The following SRD5A2 variants were observed in gnomAD, a reference collection of about 807,000 sequenced individuals.
The protein encoded by SRD5A2 is steroid 5 alpha-reductase 2.
In SRD5A2, 30 loss-of-function variants were observed where a neutral mutation model predicts 27.4. The ratio of observed to expected loss-of-function variants is 1.10; its 90% CI spans 0.82 to 1.49. The LOEUF (loss-of-function observed/expected upper bound fraction) is 1.49, where lower values mean the gene tolerates loss of function less well. Among genes scored for constraint, SRD5A2 ranks in the 40% most tolerant of loss-of-function variants. The pLI is 0.00. For missense variants in SRD5A2, 348 were observed against 323.4 expected (o/e 1.08, Z -0.58); for synonymous variants, 141 against 133.6 (o/e 1.06, Z -0.38).
intron 1 of SRD5A2, among the ~76,000 whole-genome samples, chr2:31,574,584 C>T (rs1026993959): frequency 3.3e-5 from 5 of 152,176 alleles, no homozygotes; most frequent in African/African-American, 1.2e-4. Flanking sequence ...CTTATGATGT[C>T]ATTCCATTTA....
At chr2:31,593,110 T>TG in the SRD5A2 span, among the ~76,000 whole-genome samples, 1 of 151,314 alleles carries the variant, frequency 6.6e-6, no homozygotes, top group Non-Finnish European at 1.5e-5. Flanking sequence ...GGGACTGTTG[T>TG]GGGGTCGGGG....
At chr2:31,597,112 G>T in the SRD5A2 span, among the ~76,000 whole-genome samples, 1 of 151,910 alleles carries the variant, frequency 6.6e-6, no homozygotes, top group African/African-American at 2.4e-5. Context: ...TCATGGTACT[G>T]ATTTAAAAAC....
chr2:31,573,370 G>C (rs542796018), intron 1 of SRD5A2, among the ~76,000 whole-genome samples: 1 of 152,158 alleles, frequency 6.6e-6, no homozygotes, highest in Non-Finnish European at 1.5e-5. Flanking sequence ...TTAAAATTTA[G>C]AGCTCCTATG....
At chr2:31,641,113 G>A in the SRD5A2 span, among the ~76,000 whole-genome samples, 1 of 152,036 alleles carries the variant, frequency 6.6e-6, no homozygotes, top group African/African-American at 2.4e-5. Flanking sequence ...GTTGTTGTTG[G>A]TAAAAATCTC....
chr2:31,566,210 T>C (rs746815816), intron 1 of SRD5A2, among the ~76,000 whole-genome samples: 15 of 152,072 alleles, frequency 9.9e-5, no homozygotes, highest in African/African-American at 3.6e-4. Flanking sequence ...CAAAACAATA[T>C]GTAGGATGAA....
intron 1 of SRD5A2, among the ~76,000 whole-genome samples, chr2:31,539,657 G>A (rs1666092428): frequency 6.6e-6 from 1 of 152,134 alleles, no homozygotes; most frequent in South Asian, 2.1e-4. Flanking sequence ...CTGCTGGCCT[G>A]GGTAGTATCA....
chr2:31,615,987 T>A, the SRD5A2 span, among the ~76,000 whole-genome samples: 12,434 of 152,220 alleles, frequency 0.082, 578 homozygotes, highest in Middle Eastern at 0.15. Flanking sequence ...TTCCATGTGT[T>A]GTTGAGCCTG....
At chr2:31,554,967 G>GT (rs1035574752) in intron 1 of SRD5A2, among the ~76,000 whole-genome samples, 1 of 134,152 alleles carries the variant, frequency 7.5e-6, no homozygotes, top group Admixed American at 7.5e-5. Context: ...GTGTGTGTGT[G>GT]TATGTGTGTG....
intron 1 of SRD5A2, among the ~76,000 whole-genome samples, chr2:31,545,895 A>G (rs769073235): frequency 1.8e-4 from 28 of 152,160 alleles, no homozygotes; most frequent in Non-Finnish European, 4.0e-4. Context: ...ACACACAAAA[A>G]TCAGTTGCAT....
Position 31,522,527 on chromosome 2 carries a change from ATC to A in SRD5A2, c.*3667_*3668del, listed in dbSNP as rs1455785395. The A allele has an allele frequency of 1.5e-5, 3 of 195,034 alleles. No homozygotes were observed. In the East Asian group the frequency reaches 2.4e-4, roughly 16 times the overall value. The allele number at this position is 195,034 out of a possible 1,614,324, so 12.1% of individuals were successfully genotyped here. On this transcript the variant is annotated 3_prime_UTR_variant, in exon 5 of 5. Transcript: ENST00000622030. ...CCAGTTATTTATTTTATTCATCCAAATCTCAAGCTAAGGTTGATGGGGAGAAA... is the reference window on the plus strand; with the variant it reads ...CCAGTTATTTATTTTATTCATCCAAATCAAGCTAAGGTTGATGGGGAGAAA...
chr2:31,650,324 G>C, the SRD5A2 span, among the ~76,000 whole-genome samples: 1 of 152,274 alleles, frequency 6.6e-6, no homozygotes, highest in Admixed American at 6.5e-5. Context: ...AGTGAGGGAT[G>C]GGCAAAATCC....
At chr2:31,644,387 C>T in the SRD5A2 span, among the ~76,000 whole-genome samples, 2 of 152,286 alleles carry the variant, frequency 1.3e-5, no homozygotes, top group East Asian at 3.9e-4. Flanking sequence ...AGAGGAATAC[C>T]TATAAAGCGT....
the SRD5A2 span, among the ~76,000 whole-genome samples, chr2:31,610,298 T>C: frequency 5.9e-5 from 9 of 152,244 alleles, no homozygotes; most frequent in Middle Eastern, 6.8e-3. Flanking sequence ...GCAAACTAAA[T>C]TCATCAGGAC....
chr2:31,578,513 CAG>C (rs1209931244), intron 1 of SRD5A2, among the ~76,000 whole-genome samples: 1 of 152,142 alleles, frequency 6.6e-6, no homozygotes, highest in African/African-American at 2.4e-5. Flanking sequence ...ATTATTTACT[CAG>C]AGTGTTTGGC....
chr2:31,559,010 G>A (rs1477599240), intron 1 of SRD5A2, among the ~76,000 whole-genome samples: 1 of 152,224 alleles, frequency 6.6e-6, no homozygotes, highest in African/African-American at 2.4e-5. Flanking sequence ...GGAGAGACAT[G>A]CTTCAACCCA....
chr2:31,643,367 A>G, the SRD5A2 span, among the ~76,000 whole-genome samples: 968 of 152,274 alleles, frequency 6.4e-3, 10 homozygotes, highest in African/African-American at 0.022. Context: ...AAAGATGAAA[A>G]TGTGGTATGC....
chr2:31,588,755 T>C, the SRD5A2 span, among the ~76,000 whole-genome samples: 1 of 152,198 alleles, frequency 6.6e-6, no homozygotes, highest in Non-Finnish European at 1.5e-5. Flanking sequence ...CTAAATATTA[T>C]AACACTAACT....
At chr2:31,580,467 C>T (rs1250366010) in intron 1 of SRD5A2, among the ~76,000 whole-genome samples, 153 bp downstream of exon 1, 2 of 152,242 alleles carry the variant, frequency 1.3e-5, no homozygotes, top group Admixed American at 6.5e-5. Context: ...CCCCGGCCCC[C>T]GCCAGGTGCG....
chr2:31,554,967 G>GTA (rs1553326406), intron 1 of SRD5A2, among the ~76,000 whole-genome samples: 1 of 134,154 alleles, frequency 7.5e-6, no homozygotes, highest in Non-Finnish European at 1.7e-5. Flanking sequence ...GTGTGTGTGT[G>GTA]TATGTGTGTG....
Sources: gnomAD v4.1 joint callset for allele counts (sites outside exome capture counted in the v4.1 genomes callset) on GRCh38, gnomAD v4.1.1 for gene constraint, MANE v1.5 for transcripts, NCBI Gene and HGNC (gene_info 2026-07-23, HGNC 2026-07-21) for gene names.